GASK1B: variants seen among roughly 807,000 people sequenced by gnomAD.
The protein encoded by GASK1B is golgi associated kinase 1B.
A neutral mutation model predicts 42.8 loss-of-function variants in GASK1B; 34 were observed. The observed-to-expected ratio is 0.79, with a 90% CI of 0.60 to 1.06. The LOEUF (loss-of-function observed/expected upper bound fraction) is 1.06. Ranked by LOEUF, GASK1B falls within the 50% of genes least tolerant of loss-of-function variation. GASK1B has a pLI of 0.00. For missense variants in GASK1B, 686 were observed against 661.0 expected, an observed-to-expected ratio of 1.04 and a Z score of -0.42; for synonymous variants, 262 against 259.1, an observed-to-expected ratio of 1.01 and a Z score of -0.11.
chr4:158,132,287 C>A (rs1730713418), intron 3 of GASK1B, among the ~76,000 whole-genome samples: 2 of 152,294 alleles, frequency 1.3e-5, no homozygotes, highest in South Asian at 2.1e-4. Context: ...CCATCTTTTT[C>A]TCATCCTCCT....
At chr4:158,146,558 C>G (rs1165980397) in intron 3 of GASK1B, among the ~76,000 whole-genome samples, 1 of 152,066 alleles carries the variant, frequency 6.6e-6, no homozygotes, top group African/African-American at 2.4e-5. Context: ...TATATACGCA[C>G]CATTATTATT....
chr4:158,142,751 T>C (rs1456814184), intron 3 of GASK1B, among the ~76,000 whole-genome samples: 1 of 152,052 alleles, frequency 6.6e-6, no homozygotes, highest in Non-Finnish European at 1.5e-5. Flanking sequence ...ATAAATCAAA[T>C]CTAAATTTGA....
chr4:158,162,937 T>C (rs6834839), intron 2 of GASK1B, among the ~76,000 whole-genome samples: 19,191 of 152,212 alleles, frequency 0.13, 1,364 homozygotes, highest in African/African-American at 0.17. Context: ...GACCCATGTC[T>C]GTATCCCAGC....
chr4:158,127,595 A>G lies in GASK1B; in HGVS notation c.1372T>C (p.Ser458Pro). The change falls in exon 5 of 5, where the codon TCT (serine) becomes CCT (proline). Residue 458 changes from serine to proline, a missense_variant. Transcript: ENST00000585682. ...GIKEFPASAV[S>P]VLKSQHLRQK... is the part of the protein sequence containing the mutation. ...CGTAAGTGCTGGCTCTTCAAAACAGAAACTGCAGAAGCTGGAAACCTGAAA... is the reference window on the plus strand; with the variant it reads ...CGTAAGTGCTGGCTCTTCAAAACAGGAACTGCAGAAGCTGGAAACCTGAAA... 6.2e-7 allele frequency: 1 copy of G among 1,613,026 alleles called. No homozygotes were observed.
intron 2 of GASK1B, among the ~76,000 whole-genome samples, chr4:158,168,016 G>A (rs1732293722): frequency 1.3e-5 from 2 of 152,250 alleles, no homozygotes; most frequent in South Asian, 4.1e-4. Context: ...CACTGTAACA[G>A]TCTGCTTGAG....
intron 2 of GASK1B, chr4:158,170,254 T>G (rs146894527): frequency 6.2e-6 from 10 of 1,614,206 alleles, no homozygotes; most frequent in Non-Finnish European, 7.6e-6. Flanking sequence ...TACTCTTGCA[T>G]GTCCAATACA....
rs142972376 is a variant in GASK1B, at chr4:158,128,111, A to G, written c.1353-497T>C. Among the ~76,000 whole-genome samples, 123 of 152,330 alleles carry G rather than the reference A, an allele frequency of 8.1e-4. 1 individual carries two copies. The East Asian group carries it at 0.022, about 28-fold the overall frequency. On this transcript the variant is annotated intron_variant, in intron 4 of 4. Transcript: ENST00000585682. ...CTGAATTTATGTGAAATAATAAAAA[A>G]TGTGTGTACTAAAATGAGATAAGAT...
In GASK1B at chr4:158,171,247, C is replaced by T. The variant is rs761180061; in HGVS notation, c.129G>A (p.Ala43=). Residue 43 remains alanine (A), a synonymous_variant, in exon 2 of 5, where the codon GCG becomes GCA. Transcript: ENST00000585682. ...CCAGGAAGCCCAAGTAGATGGCACA[C>T]GCAGTGCCCAGCAGAAGGTTTCTCC... ...RTRRNLLLGT[A]CAIYLGFLVS... 2 of 1,614,040 alleles carry T rather than the reference C, an allele frequency of 1.2e-6. No individual in the cohort carries two copies. Among genetic ancestry groups the T allele is most frequent in the South Asian group, 1.1e-5 (1 of 91,068 alleles).
intron 3 of GASK1B, among the ~76,000 whole-genome samples, chr4:158,147,212 ATAAC>A (rs1303700738): frequency 2.0e-5 from 3 of 152,158 alleles, no homozygotes; most frequent in African/African-American, 7.2e-5. Flanking sequence ...ATAGATAATA[ATAAC>A]TATTTACTAT....
At chr4:158,145,906 C>T (rs1731313280) in intron 3 of GASK1B, among the ~76,000 whole-genome samples, 1 of 152,160 alleles carries the variant, frequency 6.6e-6, no homozygotes, top group South Asian at 2.1e-4. Flanking sequence ...TCTATGTTAA[C>T]ACCCATTAAT....
In GASK1B at chr4:158,170,909, G is replaced by A; in HGVS notation, c.467C>T (p.Ala156Val). The A allele has an allele frequency of 6.2e-7, 1 of 1,614,224 alleles. No homozygotes were observed. Among genetic ancestry groups the A allele is most frequent in the Non-Finnish European group, 8.5e-7 (1 of 1,180,046 alleles). The change falls in exon 2 of 5, where the codon GCA (alanine) becomes GTA (valine). Residue 156 changes from alanine to valine, a missense_variant. Physicochemically the swap from Ala to Val is moderately conservative, Grantham distance 64. Coordinates refer to ENST00000585682, the MANE Select transcript of GASK1B (RefSeq NM_001128424.2). Reference sequence around the variant, plus strand: ...AGGTGCTACAGCATCAGCTTCCCTTGCCGCTTCCTGCGGCTGAAGGGATGG... The same window carrying A: ...AGGTGCTACAGCATCAGCTTCCCTTACCGCTTCCTGCGGCTGAAGGGATGG... ...VGPSLQPQEA[A>V]READAVAPGY...
chr4:158,139,042 T>C (rs1731015576), intron 3 of GASK1B, among the ~76,000 whole-genome samples: 1 of 152,196 alleles, frequency 6.6e-6, no homozygotes, highest in Admixed American at 6.5e-5. Context: ...TTCCTAATCA[T>C]CAAAATAATC....
Position 158,171,488 on chromosome 4 carries a change from G to A in GASK1B, c.-113C>T, listed in dbSNP as rs974980845. On this transcript the variant is annotated 5_prime_UTR_variant, in exon 2 of 5. Coordinates refer to ENST00000585682, the MANE Select transcript of GASK1B (RefSeq NM_001128424.2). ...CCGCGTCCGCTTCGGGATATAAGTG[G>A]TCTCCAGTGGGCAGAGGTGGAAGGA... 1 of 1,169,880 alleles carries A rather than the reference G, an allele frequency of 8.5e-7. No individual in the cohort carries two copies. The highest frequency in any genetic ancestry group is 1.2e-6 in the Non-Finnish European group (1 of 858,648). The allele number at this position is 1,169,880 out of a possible 1,614,324, so 72.5% of individuals were successfully genotyped here. A position where few individuals can be genotyped will look rare whatever the true frequency, so the allele number is the denominator to read the frequency against.
intron 3 of GASK1B, among the ~76,000 whole-genome samples, chr4:158,142,617 A>G (rs936525022): frequency 2.0e-5 from 3 of 152,200 alleles, no homozygotes; most frequent in African/African-American, 7.2e-5. Context: ...CCATTTTTCA[A>G]TTCCCAGTGA....
rs555377085 is a variant in GASK1B at position 158,170,306 on chromosome 4, T to C, written c.910+160A>G. On this transcript the variant is annotated intron_variant, in intron 2 of 4. Coordinates refer to ENST00000585682, the MANE Select transcript of GASK1B (RefSeq NM_001128424.2). ...CTCATATCCTCCCAGGCTGGGAAAA[T>C]AAAGAATGCCAAGCGCATGGAAAGA... The C allele has an allele frequency of 6.8e-6, 11 of 1,614,046 alleles. No homozygotes were observed. The South Asian group carries it at 1.1e-4, about 16-fold the overall frequency.
At chr4:158,140,308 T>A (rs1197791289) in intron 3 of GASK1B, among the ~76,000 whole-genome samples, 1 of 152,188 alleles carries the variant, frequency 6.6e-6, no homozygotes, top group Admixed American at 6.5e-5. Flanking sequence ...TATCTCTTAG[T>A]GATATGTGTC....
chr4:158,152,135 C>G (rs1731581245), intron 3 of GASK1B, among the ~76,000 whole-genome samples: 1 of 152,166 alleles, frequency 6.6e-6, no homozygotes, highest in South Asian at 2.1e-4. Flanking sequence ...CAGGGTCTCT[C>G]AGGCCTTTGG....
intron 2 of GASK1B, chr4:158,159,550 C>G (rs756779913): frequency 4.5e-6 from 2 of 446,988 alleles, no homozygotes; most frequent in South Asian, 3.2e-5. Flanking sequence ...GCATTCATCT[C>G]TCCACATTCA....
At chr4:158,136,985 C>A (rs1730917775) in intron 3 of GASK1B, among the ~76,000 whole-genome samples, 1 of 152,134 alleles carries the variant, frequency 6.6e-6, no homozygotes. Context: ...CTCCAAAGCA[C>A]TGTTTTGTAT....
Sources: gnomAD v4.1 joint callset for allele counts (sites outside exome capture counted in the v4.1 genomes callset) on GRCh38, gnomAD v4.1.1 for gene constraint, MANE v1.5 for transcripts, NCBI Gene and HGNC (gene_info 2026-07-23, HGNC 2026-07-21) for gene names.